Variants in ZNF451 observed in about 807,000 individuals in gnomAD.
ZNF451 encodes the protein E3 SUMO-protein ligase ZNF451.
In ZNF451, 80 loss-of-function variants were observed where a neutral mutation model predicts 107.1. The ratio of observed to expected loss-of-function variants is 0.75; its 90% CI spans 0.62 to 0.90. ZNF451 has a LOEUF of 0.90. Ranked by LOEUF, ZNF451 falls within the 40% of genes least tolerant of loss-of-function variation. The pLI is 0.00. For missense variants in ZNF451, 1,107 were observed against 1,236.2 expected (o/e 0.90, Z 1.57); for synonymous variants, 362 against 406.5 (o/e 0.89, Z 1.32).
intron 3 of ZNF451, among the ~76,000 whole-genome samples, chr6:57,111,453 T>C (rs1830112019): frequency 6.6e-6 from 1 of 151,862 alleles, no homozygotes. Context: ...CGATCTTGGC[T>C]CACTGCAACC....
At chr6:57,111,505 C>T (rs564878705) in intron 3 of ZNF451, among the ~76,000 whole-genome samples, 1 of 152,138 alleles carries the variant, frequency 6.6e-6, no homozygotes, top group South Asian at 2.1e-4. Flanking sequence ...CTCAGCCTCC[C>T]GAGTAGCTGG....
chr6:57,138,151 A>G (rs1831526426), intron 7 of ZNF451, among the ~76,000 whole-genome samples: 1 of 152,160 alleles, frequency 6.6e-6, no homozygotes, highest in Admixed American at 6.5e-5. Context: ...ATTTTTTTGA[A>G]GAAGTGCCAA....
rs141401743 is a variant in ZNF451 at position 57,167,566 on chromosome 6, A to G, written c.3140-857A>G. 6.9e-3 allele frequency among the ~76,000 whole-genome samples: 1,052 copies of G among 152,286 alleles called. 6 individuals are homozygous for G. Among genetic ancestry groups the G allele is most frequent in the Middle Eastern group, 0.014 (4 of 294 alleles). ...TAGTTTATTGTACTTTAAATTAGAC[A>G]ACATAACACTAGTGCCCCCAATCAG... On this transcript the variant is annotated intron_variant, in intron 14 of 14. Coordinates refer to ENST00000370706, the MANE Select transcript of ZNF451 (RefSeq NM_001031623.3).
intron 12 of ZNF451, 108 bp downstream of exon 12, chr6:57,152,459 G>T (rs1832396287): frequency 1.5e-6 from 2 of 1,315,406 alleles, no homozygotes; most frequent in Non-Finnish European, 2.1e-6. Context: ...AGTACTTCAG[G>T]TTCTACCTAT....
At chr6:57,102,285 A>G in intron 3 of ZNF451, 1 of 1,302,802 alleles carries the variant, frequency 7.7e-7, no homozygotes, top group Non-Finnish European at 9.7e-7. Context: ...CTCATGACTT[A>G]TTGGCCAAGT....
At chr6:57,158,185 A>C (rs1254680499) in intron 13 of ZNF451, among the ~76,000 whole-genome samples, 1 of 152,190 alleles carries the variant, frequency 6.6e-6, no homozygotes, top group Admixed American at 6.5e-5. Flanking sequence ...ACTGACACAA[A>C]TACCTGATTC....
At chr6:57,135,172 C>G (rs1285055417) in intron 7 of ZNF451, among the ~76,000 whole-genome samples, 1 of 152,056 alleles carries the variant, frequency 6.6e-6, no homozygotes, top group Non-Finnish European at 1.5e-5. Context: ...GAACCAGAAC[C>G]CTGTTCTTAA....
chr6:57,161,923 A>G (rs893103026), intron 14 of ZNF451, among the ~76,000 whole-genome samples: 2 of 152,224 alleles, frequency 1.3e-5, no homozygotes, highest in Non-Finnish European at 2.9e-5. Flanking sequence ...CATAGGTTAA[A>G]GAGAACTTTT....
intron 13 of ZNF451, among the ~76,000 whole-genome samples, chr6:57,156,809 T>C (rs756455236): frequency 6.6e-6 from 1 of 152,156 alleles, no homozygotes; most frequent in Non-Finnish European, 1.5e-5. Context: ...TTTCCATGGA[T>C]TGGGGGCAGG....
intron 14 of ZNF451, among the ~76,000 whole-genome samples, chr6:57,167,302 G>A (rs1390613822): frequency 2.0e-5 from 3 of 151,838 alleles, no homozygotes; most frequent in Admixed American, 2.0e-4. Context: ...TATATGCATG[G>A]GTCTGTTTCT....
At position 57,147,653 on chromosome 6, in the gene ZNF451, G is replaced by T; in HGVS notation, c.1568G>T (p.Gly523Val). 6.2e-7 allele frequency: 1 copy of T among 1,614,098 alleles called. No individual in the cohort carries two copies. The change falls in exon 10 of 15, where the codon GGG (glycine) becomes GTG (valine). Residue 523 changes from glycine (G) to valine (V), a missense_variant. Gly to Val is a moderately radical substitution (Grantham distance 109). Coordinates refer to ENST00000370706, the MANE Select transcript of ZNF451 (RefSeq NM_001031623.3). ...IRLHMSRIHGGAHLNNFLFWC... is the reference protein window; with the variant it reads ...IRLHMSRIHGVAHLNNFLFWC... Reference sequence around the variant, plus strand: ...TTACACATGAGCCGGATTCACGGAGGGGCACATTTAAATAACTTTCTTTTC... The same window carrying T: ...TTACACATGAGCCGGATTCACGGAGTGGCACATTTAAATAACTTTCTTTTC...
At chr6:57,153,715 A>C in intron 12 of ZNF451, 146 bp from the exon 13 acceptor site, 1 of 760,954 alleles carries the variant, frequency 1.3e-6, no homozygotes, top group Non-Finnish European at 2.1e-6. Flanking sequence ...ACCCAGCTGA[A>C]GGAGATCTTT....
chr6:57,114,779 GTCT>G (rs1486621980), intron 3 of ZNF451: 2 of 152,056 alleles, frequency 1.3e-5, no homozygotes, highest in Admixed American at 6.6e-5. Flanking sequence ...TCTTTGTATA[GTCT>G]TCTTCATTAA....
chr6:57,134,633 C>T lies in ZNF451; in HGVS notation c.576-111C>T, dbSNP rs1831342658. 4 of 915,924 alleles carry T rather than the reference C, an allele frequency of 4.4e-6. No homozygotes were observed. In the Admixed American group the frequency reaches 1.1e-4, roughly 24 times the overall value. 56.7% of individuals were successfully genotyped at this position (915,924 alleles called of 1,614,324 possible). The stretch of plus-strand genomic sequence containing the variant: ...TACTTAATATTTCAGTAGAAAAGTG[C>T]AAAGTTCTGAATGTGTGTGTATGTG... On this transcript the variant is annotated intron_variant, in intron 6 of 14. Transcript: ENST00000370706.
intron 4 of ZNF451, among the ~76,000 whole-genome samples, 184 bp from the exon 5 acceptor site, chr6:57,128,545 C>T (rs1417118079): frequency 6.6e-6 from 1 of 152,148 alleles, no homozygotes; most frequent in Non-Finnish European, 1.5e-5. Context: ...TGTGCAATAA[C>T]ACTGGTATAC....
At chr6:57,100,707 G>C (rs1829552115) in intron 3 of ZNF451, 1 of 1,550,390 alleles carries the variant, frequency 6.4e-7, no homozygotes, top group African/African-American at 1.4e-5. Context: ...CCTTCTCTGG[G>C]AGTTGTTCCA....
At chr6:57,109,733 G>A in intron 3 of ZNF451, 1 of 937,642 alleles carries the variant, frequency 1.1e-6, no homozygotes, top group Non-Finnish European at 1.3e-6. Flanking sequence ...CTTTTCTCAA[G>A]TACAAGCTAA....
At position 57,147,567 on chromosome 6, in the gene ZNF451, C is replaced by G. The variant is rs774045368; in HGVS notation, c.1482C>G (p.Asn494Lys). 1.2e-6 allele frequency: 2 copies of G among 1,614,084 alleles called. No individual in the cohort carries two copies. Among genetic ancestry groups the G allele is most frequent in the Non-Finnish European group, 1.7e-6 (2 of 1,179,992 alleles). ...DAVEKHVFSANTMGYKCVVCG... is the reference protein window; with the variant it reads ...DAVEKHVFSAKTMGYKCVVCG... ...TAGAAAAGCATGTTTTCTCAGCAAA[C>G]ACAATGGGTTATAAATGTGTGGTCT... Residue 494 changes from asparagine (N) to lysine (K), a missense_variant, in exon 10 of 15, where the codon AAC becomes AAG. By Grantham distance (94) the Asn-to-Lys change is moderately conservative (BLOSUM62 0). Coordinates refer to ENST00000370706, the MANE Select transcript of ZNF451 (RefSeq NM_001031623.3).
rs112837965 is a variant in ZNF451, at chr6:57,145,743, A to G, written c.1005-1347A>G. ...ATTCCATTCATTATCGCTATTGTCA[A>G]TAGTGCTGCGGTAAATGTACAAGTG... is the stretch of plus-strand genomic sequence containing the variant. On this transcript the variant is annotated intron_variant, in intron 9 of 14. Transcript: ENST00000370706. Among the ~76,000 whole-genome samples the G allele has an allele frequency of 8.5e-3, 1,291 of 152,302 alleles. 14 individuals are homozygous for G. The highest frequency in any genetic ancestry group is 0.029 in the African/African-American group (1,208 of 41,550).
Sources: gnomAD v4.1 joint callset for allele counts (sites outside exome capture counted in the v4.1 genomes callset) on GRCh38, gnomAD v4.1.1 for gene constraint, MANE v1.5 for transcripts, NCBI Gene and HGNC (gene_info 2026-07-23, HGNC 2026-07-21) for gene names.